The following VSTM1 variants were observed in gnomAD, a reference collection of about 807,000 sequenced individuals.
The protein encoded by VSTM1 is V-set and transmembrane domain-containing protein 1.
A neutral mutation model predicts 33.1 loss-of-function variants in VSTM1; 27 were observed. The ratio of observed to expected loss-of-function variants is 0.82; its 90% CI spans 0.60 to 1.12. The LOEUF (loss-of-function observed/expected upper bound fraction) is 1.12. Ranked by LOEUF, VSTM1 falls within the 50% of genes most tolerant of loss-of-function variation. VSTM1 has a pLI of 0.00. For missense variants in VSTM1, 304 were observed against 288.9 expected (o/e 1.05, Z -0.38); for synonymous variants, 115 against 110.3 (o/e 1.04, Z -0.27).
chr19:54,044,126 C>A (rs183357298), intron 4 of VSTM1, among the ~76,000 whole-genome samples: 2 of 151,994 alleles, frequency 1.3e-5, no homozygotes, highest in Admixed American at 6.6e-5. Context: ...AGCAGTGACA[C>A]GGGCATGGAA....
At chr19:54,045,112 C>A (rs924279728) in intron 4 of VSTM1, among the ~76,000 whole-genome samples, 3 of 152,200 alleles carry the variant, frequency 2.0e-5, no homozygotes, top group African/African-American at 7.2e-5. Context: ...TCTGCACCAA[C>A]AGAGGGTCTC....
At chr19:54,057,432 T>C (rs890001382) in intron 3 of VSTM1, among the ~76,000 whole-genome samples, 3 of 151,112 alleles carry the variant, frequency 2.0e-5, no homozygotes, top group Admixed American at 6.6e-5. Flanking sequence ...GGAAAATCGC[T>C]TGAGCCTGGG....
At chr19:54,051,282 A>T in intron 4 of VSTM1, 128 bp downstream of exon 4, 1 of 867,488 alleles carries the variant, frequency 1.2e-6, no homozygotes, top group East Asian at 2.9e-5. Context: ...ACAAAGCGAG[A>T]CTCTATCTCA....
chr19:54,049,412 C>G (rs1329314919), intron 4 of VSTM1, among the ~76,000 whole-genome samples: 1 of 152,064 alleles, frequency 6.6e-6, no homozygotes, highest in African/African-American at 2.4e-5. Context: ...TGAGAATGTT[C>G]TGGAATTATG....
intron 6 of VSTM1, 83 bp downstream of exon 6, chr19:54,042,086 G>T: frequency 6.2e-7 from 1 of 1,608,558 alleles, no homozygotes; most frequent in South Asian, 1.1e-5. Flanking sequence ...TGGGGGCTCA[G>T]GGTGCCAATC....
At chr19:54,044,849 C>T (rs1002591055) in intron 4 of VSTM1, among the ~76,000 whole-genome samples, 1 of 152,094 alleles carries the variant, frequency 6.6e-6, no homozygotes, top group African/African-American at 2.4e-5. Context: ...CATGCAGTTC[C>T]CCCCCGTTTT....
chr19:54,041,352 A>T (rs1369301726), intron 8 of VSTM1, among the ~76,000 whole-genome samples: 1 of 151,690 alleles, frequency 6.6e-6, no homozygotes, highest in Admixed American at 6.6e-5. Flanking sequence ...CCCAGGCTGG[A>T]GTGCGGTGGC....
At chr19:54,041,137 C>A in intron 8 of VSTM1, 57 bp from the exon 9 acceptor site, 1 of 1,472,288 alleles carries the variant, frequency 6.8e-7, no homozygotes, top group Non-Finnish European at 9.0e-7. Flanking sequence ...AGCCACTAGC[C>A]ACACATGGCT....
chr19:54,041,804 G>C lies in VSTM1; in HGVS notation c.566C>G (p.Ser189Cys). Residue 189 changes from serine (S) to cysteine (C), a missense_variant, in exon 8 of 9, where the codon TCC becomes TGC. Transcript: ENST00000338372. The stretch of plus-strand genomic sequence containing the variant: ...CGAGAGAGATACCCTTTCCATATTG[G>C]ATAAATCTGCCTCTGAGTGAGAAAG... Reference protein sequence around the residue: ...PEQEAAEADLSNMERVSLSTA... With the variant: ...PEQEAAEADLCNMERVSLSTA... 1 of 1,613,636 alleles carries C rather than the reference G, an allele frequency of 6.2e-7. No homozygotes were observed.
At chr19:54,062,348 G>C (rs1349057775) in intron 1 of VSTM1, among the ~76,000 whole-genome samples, 2 of 152,094 alleles carry the variant, frequency 1.3e-5, no homozygotes, top group Non-Finnish European at 2.9e-5. Flanking sequence ...GCAGCCATTG[G>C]GGGATGAGGT....
rs553339521 is a variant in VSTM1 at position 54,050,060 on chromosome 19, G to A, written c.394+1350C>T. Among the ~76,000 whole-genome samples the A allele has an allele frequency of 2.8e-5, 4 of 141,894 alleles. No homozygotes were observed. The East Asian group carries it at 8.4e-4, about 30-fold the overall frequency. 93.1% of individuals were successfully genotyped at this position (141,894 alleles called of 152,430 possible). On this transcript the variant is annotated intron_variant, in intron 4 of 8. Transcript: ENST00000338372. Reference sequence around the variant, plus strand: ...GTTGCCCAGGCTGGAGGGCAGTGGTGTAATCTCGGCTCACTGCAACCTCTG... The same window carrying A: ...GTTGCCCAGGCTGGAGGGCAGTGGTATAATCTCGGCTCACTGCAACCTCTG...
intron 3 of VSTM1, 68 bp downstream of exon 3, chr19:54,058,238 T>A (rs868729831): frequency 1.1e-6 from 1 of 913,946 alleles, no homozygotes; most frequent in Non-Finnish European, 1.6e-6. Context: ...AGACTCTGTC[T>A]TAAAAAAAAA....
At chr19:54,042,419 C>A in intron 4 of VSTM1, 50 bp from the exon 5 acceptor site, 1 of 1,581,486 alleles carries the variant, frequency 6.3e-7, no homozygotes. Context: ...CTGAAATCCA[C>A]TGATAGGGGC....
At chr19:54,050,515 C>A (rs1318437698) in intron 4 of VSTM1, among the ~76,000 whole-genome samples, 1 of 152,030 alleles carries the variant, frequency 6.6e-6, no homozygotes. Flanking sequence ...CCCCATTATT[C>A]CCCAAATCCC....
intron 4 of VSTM1, among the ~76,000 whole-genome samples, chr19:54,045,675 ATCTAT>A (rs1332755644): frequency 6.6e-6 from 1 of 151,892 alleles, no homozygotes; most frequent in East Asian, 1.9e-4. Context: ...TATCTATTTA[ATCTAT>A]TCTATCTAGT....
intron 4 of VSTM1, among the ~76,000 whole-genome samples, chr19:54,044,368 G>C (rs1375910496): frequency 6.6e-6 from 1 of 152,128 alleles, no homozygotes; most frequent in Non-Finnish European, 1.5e-5. Flanking sequence ...AGACCAGCCT[G>C]GCCAACATGG....
intron 4 of VSTM1, among the ~76,000 whole-genome samples, chr19:54,047,138 T>A (rs1350140944): frequency 6.6e-6 from 1 of 151,960 alleles, no homozygotes; most frequent in Non-Finnish European, 1.5e-5. Context: ...GAGGTTGCAG[T>A]GAGCCAAGAT....
At chr19:54,056,637 C>T (rs2071113601) in intron 3 of VSTM1, among the ~76,000 whole-genome samples, 1 of 140,148 alleles carries the variant, frequency 7.1e-6, no homozygotes, top group East Asian at 2.0e-4. Context: ...CCAGTATAGC[C>T]TTCCTCCTCC....
Position 54,041,962 on chromosome 19 carries a change from G to A in VSTM1, c.516-9C>T. On this transcript the variant is annotated splice_polypyrimidine_tract_variant and intron_variant, in intron 6 of 8. Transcript: ENST00000338372. ...GTTTGGAATGGCTGGTTCTGAAAGA[G>A]AGAGACACACGTGAAAGGATGGGAT... 3 of 1,614,158 alleles carry A rather than the reference G, an allele frequency of 1.9e-6. No individual in the cohort carries two copies. Among genetic ancestry groups the A allele is most frequent in the Non-Finnish European group, 2.5e-6 (3 of 1,180,020 alleles).
Sources: gnomAD v4.1 joint callset for allele counts (sites outside exome capture counted in the v4.1 genomes callset) on GRCh38, gnomAD v4.1.1 for gene constraint, MANE v1.5 for transcripts, NCBI Gene and HGNC (gene_info 2026-07-23, HGNC 2026-07-21) for gene names.